Variants in LRRC4C observed in about 807,000 individuals in gnomAD.
The protein encoded by LRRC4C is leucine-rich repeat-containing protein 4C.
LRRC4C carries 5 observed loss-of-function variants against 33.6 expected under a neutral mutation model. The observed-to-expected ratio is 0.15, with a 90% CI of 0.08 to 0.31. The LOEUF (loss-of-function observed/expected upper bound fraction) is 0.31, where lower values mean the gene tolerates loss of function less well. Among genes scored for constraint, LRRC4C ranks in the 10% least tolerant of loss-of-function variants. The probability of loss-of-function intolerance (pLI) is 1.00; values close to 1 mark genes in which losing one functional copy is unlikely to be tolerated. For synonymous variants in LRRC4C, 329 were observed against 302.0 expected, an observed-to-expected ratio of 1.09 and a Z score of -0.93; for missense variants, 560 against 796.7, an observed-to-expected ratio of 0.70 and a Z score of 3.58.
intron 3 of LRRC4C, among the ~76,000 whole-genome samples, chr11:40,330,581 T>G (rs1005009377): frequency 2.0e-5 from 3 of 152,138 alleles, no homozygotes; most frequent in Admixed American, 6.5e-5. Context: ...TCTGCATGGC[T>G]GGGGAGGACT....
chr11:40,400,665 CA>C lies in LRRC4C; in HGVS notation c.-269-80945del, dbSNP rs1207398402. ...TGAAACTCCAGACATTCTGAATGTC[CA>C]TATCTTGTTAAATTACTCCATGTTT... On this transcript the variant is annotated intron_variant, in intron 3 of 6. Transcript: ENST00000528697. Among the ~76,000 whole-genome samples the C allele has an allele frequency of 9.2e-5, 14 of 152,200 alleles. No individual in the cohort carries two copies. In the East Asian group the frequency reaches 2.7e-3, roughly 29 times the overall value.
At chr11:41,082,481 T>C (rs758673185) in intron 1 of LRRC4C, among the ~76,000 whole-genome samples, 4 of 150,862 alleles carry the variant, frequency 2.7e-5, no homozygotes, top group Non-Finnish European at 5.9e-5. Flanking sequence ...GTTCCTCTTA[T>C]TGAGCAGTGA....
chr11:40,552,030 G>T (rs1219448346), intron 3 of LRRC4C, among the ~76,000 whole-genome samples: 3 of 152,346 alleles, frequency 2.0e-5, no homozygotes, highest in Non-Finnish European at 4.4e-5. Context: ...CAAGGCAGAA[G>T]TAATTCTATC....
chr11:41,256,708 A>T (rs1364911189), intron 1 of LRRC4C, among the ~76,000 whole-genome samples: 2 of 152,044 alleles, frequency 1.3e-5, no homozygotes, highest in Non-Finnish European at 2.9e-5. Flanking sequence ...GTGTTGTCTT[A>T]CATTGAGAGG....
At chr11:40,597,112 T>G (rs1959413555) in intron 3 of LRRC4C, among the ~76,000 whole-genome samples, 1 of 152,198 alleles carries the variant, frequency 6.6e-6, no homozygotes, top group Non-Finnish European at 1.5e-5. Context: ...AGAATCAGGC[T>G]CATCTTCATT....
At chr11:40,230,189 A>G (rs1294392953) in intron 5 of LRRC4C, among the ~76,000 whole-genome samples, 1 of 152,230 alleles carries the variant, frequency 6.6e-6, no homozygotes, top group East Asian at 1.9e-4. Flanking sequence ...GTTGTTTTTG[A>G]AGTTCACAGA....
At chr11:40,662,766 T>G (rs564745473) in intron 2 of LRRC4C, among the ~76,000 whole-genome samples, 137 of 152,306 alleles carry the variant, frequency 9.0e-4, no homozygotes, top group African/African-American at 3.2e-3. Flanking sequence ...GCAAGTTGTT[T>G]AACCACTACA....
At chr11:40,296,108 TC>T (rs1249203225) in intron 4 of LRRC4C, among the ~76,000 whole-genome samples, 3 of 152,130 alleles carry the variant, frequency 2.0e-5, no homozygotes, top group Non-Finnish European at 2.9e-5. Context: ...TTTAATACTA[TC>T]AGAATGAATT....
At position 40,245,208 on chromosome 11, in the gene LRRC4C, C is replaced by T. The variant is rs528130736; in HGVS notation, c.-175-3610G>A. Among the ~76,000 whole-genome samples the T allele has an allele frequency of 5.3e-5, 8 of 152,236 alleles. No homozygotes were observed. The East Asian group carries it at 1.5e-3, about 29-fold the overall frequency. On this transcript the variant is annotated intron_variant, in intron 4 of 6. Transcript: ENST00000528697. ...TCTTATACAATTTCCTGACTTAATT[C>T]TCACCCAAGTCAAAGTTACCTTTCC... is the stretch of plus-strand genomic sequence containing the variant.
At chr11:40,600,371 C>A (rs11035953) in intron 3 of LRRC4C, among the ~76,000 whole-genome samples, 20,133 of 152,082 alleles carry the variant, frequency 0.13, 1,518 homozygotes, top group Non-Finnish European at 0.18. Flanking sequence ...TCCAAAGTAA[C>A]AAATGAATTG....
intron 2 of LRRC4C, among the ~76,000 whole-genome samples, chr11:40,807,130 T>C (rs1951287242): frequency 6.6e-6 from 1 of 152,306 alleles, no homozygotes; most frequent in Admixed American, 6.5e-5. Context: ...GGCACCTCAC[T>C]CCAACTTCAG....
At chr11:40,197,439 A>G (rs1447158428) in intron 5 of LRRC4C, among the ~76,000 whole-genome samples, 1 of 152,224 alleles carries the variant, frequency 6.6e-6, no homozygotes, top group African/African-American at 2.4e-5. Flanking sequence ...ATTGCATTAT[A>G]TCCTTTTCTT....
chr11:40,862,517 G>A (rs1371274603), intron 2 of LRRC4C, among the ~76,000 whole-genome samples: 2 of 152,124 alleles, frequency 1.3e-5, no homozygotes, highest in African/African-American at 4.8e-5. Context: ...TCTCTTACTA[G>A]TGTAAATACT....
At chr11:40,440,467 A>G (rs1465141790) in intron 3 of LRRC4C, among the ~76,000 whole-genome samples, 2 of 152,134 alleles carry the variant, frequency 1.3e-5, no homozygotes, top group Non-Finnish European at 2.9e-5. Context: ...CTGATTAACA[A>G]AAGGTCAAGA....
At chr11:41,339,402 T>C (rs1243807784) in intron 1 of LRRC4C, among the ~76,000 whole-genome samples, 1 of 152,168 alleles carries the variant, frequency 6.6e-6, no homozygotes, top group African/African-American at 2.4e-5. Context: ...GACATAACTT[T>C]CATGTAACTC....
chr11:40,455,388 T>C lies in LRRC4C; in HGVS notation c.-269-135667A>G, dbSNP rs956459583. Among the ~76,000 whole-genome samples the C allele has an allele frequency of 2.0e-5, 3 of 152,250 alleles. No individual in the cohort carries two copies. In the East Asian group the frequency reaches 5.8e-4, roughly 29 times the overall value. On this transcript the variant is annotated intron_variant, in intron 3 of 6. Coordinates refer to ENST00000528697, the MANE Select transcript of LRRC4C (RefSeq NM_001258419.2). ...TCTGTCCAGAATTATTTAACTAGAG[T>C]TCTGCCCAGAGGCAGGAAGCTAGGC...
chr11:40,656,748 T>A (rs1006173566), intron 2 of LRRC4C, among the ~76,000 whole-genome samples: 1 of 152,190 alleles, frequency 6.6e-6, no homozygotes, highest in African/African-American at 2.4e-5. Context: ...AAGTGTTATA[T>A]CCCTCTAGAG....
At chr11:40,588,702 A>T (rs987312674) in intron 3 of LRRC4C, among the ~76,000 whole-genome samples, 1 of 152,098 alleles carries the variant, frequency 6.6e-6, no homozygotes, top group Non-Finnish European at 1.5e-5. Flanking sequence ...GTTTCAAAGA[A>T]CATCTTTATT....
At position 40,728,439 on chromosome 11, in the gene LRRC4C, T is replaced by C. The variant is rs910059085; in HGVS notation, c.-406-80161A>G. ...GCTAACACGGTGAAACCCCGTTCTC[T>C]ACTAAAAAAAGAAAAAAAAAAAACT... On this transcript the variant is annotated intron_variant, in intron 2 of 6. Transcript: ENST00000528697. 1.9e-4 allele frequency among the ~76,000 whole-genome samples: 28 copies of C among 149,900 alleles called. 1 individual carries two copies. In the South Asian group the frequency reaches 2.5e-3, roughly 14 times the overall value.
Sources: gnomAD v4.1 joint callset for allele counts (sites outside exome capture counted in the v4.1 genomes callset) on GRCh38, gnomAD v4.1.1 for gene constraint, MANE v1.5 for transcripts, NCBI Gene and HGNC (gene_info 2026-07-23, HGNC 2026-07-21) for gene names.